The following PIEZO2 variants were observed in gnomAD, a reference collection of about 807,000 sequenced individuals.
The protein encoded by PIEZO2 is piezo-type mechanosensitive ion channel component 2.
In PIEZO2, 172 loss-of-function variants were observed where a neutral mutation model predicts 337.3. That is an observed-to-expected ratio of 0.51 (90% CI 0.45 to 0.58). PIEZO2 has a LOEUF of 0.58. Ranked by LOEUF, PIEZO2 falls within the 20% of genes least tolerant of loss-of-function variation. PIEZO2 has a pLI of 0.00. For synonymous variants in PIEZO2, 1,251 were observed against 1,228.5 expected, an observed-to-expected ratio of 1.02 and a Z score of -0.38; for missense variants, 3,028 against 3,391.3, an observed-to-expected ratio of 0.89 and a Z score of 2.66.
At chr18:11,147,834 T>C (rs937203716) in intron 1 of PIEZO2, among the ~76,000 whole-genome samples, 2 of 152,210 alleles carry the variant, frequency 1.3e-5, no homozygotes. Flanking sequence ...CCCTGGGCCC[T>C]TGCCAGTCCC....
chr18:10,782,213 A>G (rs1305920840), intron 17 of PIEZO2, among the ~76,000 whole-genome samples: 3 of 133,662 alleles, frequency 2.2e-5, no homozygotes, highest in Non-Finnish European at 4.6e-5. Context: ...TCATATAATT[A>G]TATATATCAT....
In PIEZO2 at chr18:11,021,788, T is replaced by C. The variant is rs969884095; in HGVS notation, c.161-42128A>G. Among the ~76,000 whole-genome samples, 2 of 152,204 alleles carry C rather than the reference T, an allele frequency of 1.3e-5. No individual in the cohort carries two copies. The highest frequency in any genetic ancestry group is 2.9e-5 in the Non-Finnish European group (2 of 68,036). On this transcript the variant is annotated intron_variant, in intron 2 of 55. Transcript: ENST00000674853. This position sits in a 1 kb window ranked among gnomAD's most constrained non-coding sequence, Gnocchi z 4.7. Reference sequence around the variant, plus strand: ...TGTGTGTGAGGCATCATCTAGACGCTGGGGGACTGCAGATGCAAACCAGGA... The same window carrying C: ...TGTGTGTGAGGCATCATCTAGACGCCGGGGGACTGCAGATGCAAACCAGGA...
intron 1 of PIEZO2, among the ~76,000 whole-genome samples, chr18:11,074,252 A>G (rs1340904857): frequency 1.3e-5 from 2 of 151,998 alleles, no homozygotes; most frequent in Non-Finnish European, 2.9e-5. Context: ...CTCGCTGCAC[A>G]ATGTCCCCTG....
intron 5 of PIEZO2, among the ~76,000 whole-genome samples, chr18:10,857,794 G>T (rs1205698349): frequency 1.3e-5 from 2 of 152,182 alleles, no homozygotes; most frequent in African/African-American, 4.8e-5. Flanking sequence ...AGCCTCGGCA[G>T]CTCAGCACCT....
intron 1 of PIEZO2, among the ~76,000 whole-genome samples, chr18:11,089,086 A>AGGGG (rs893471283): frequency 6.6e-6 from 1 of 152,170 alleles, no homozygotes; most frequent in African/African-American, 2.4e-5. Context: ...TTTACTAGTC[A>AGGGG]GGGGTCCTTA....
intron 1 of PIEZO2, among the ~76,000 whole-genome samples, chr18:11,135,295 T>G (rs1286000196): frequency 6.6e-6 from 1 of 152,066 alleles, no homozygotes; most frequent in African/African-American, 2.4e-5. Flanking sequence ...CAGGGCTATT[T>G]TAAGGTAGGA....
At chr18:10,808,987 G>A (rs914176326) in intron 7 of PIEZO2, among the ~76,000 whole-genome samples, 2 of 152,136 alleles carry the variant, frequency 1.3e-5, no homozygotes, top group African/African-American at 4.8e-5. Context: ...AATTTTAATT[G>A]TAATTTTCTG....
chr18:10,834,031 T>G lies in PIEZO2; in HGVS notation c.917+21322A>C, dbSNP rs1328951925. Among the ~76,000 whole-genome samples the G allele has an allele frequency of 6.6e-6, 1 of 152,228 alleles. No homozygotes were observed. Among genetic ancestry groups the G allele is most frequent in the Non-Finnish European group, 1.5e-5 (1 of 68,040 alleles). ...TTAAGCTAATTTCTGTTTTTATTTTTTATGGGTAAGTGTATATGGGGCACA... is the reference window on the plus strand; with the variant it reads ...TTAAGCTAATTTCTGTTTTTATTTTGTATGGGTAAGTGTATATGGGGCACA... On this transcript the variant is annotated intron_variant, in intron 7 of 55. Coordinates refer to ENST00000674853, the MANE Select transcript of PIEZO2 (RefSeq NM_001378183.1). This position sits in a 1 kb window ranked among gnomAD's most constrained non-coding sequence, Gnocchi z 4.5.
At chr18:10,754,506 A>C (rs1207521380) in intron 27 of PIEZO2, among the ~76,000 whole-genome samples, 1 of 152,208 alleles carries the variant, frequency 6.6e-6, no homozygotes, top group African/African-American at 2.4e-5. Context: ...GAAATAACTA[A>C]AACAAAAATC....
chr18:10,903,584 G>T lies in PIEZO2; in HGVS notation c.329+7602C>A, dbSNP rs1185748042. ...ACTTGGGAGGCTGAGGCAGGAGAAT[G>T]GCATGAACCCAGGAGGAGGCAGAGC... On this transcript the variant is annotated intron_variant, in intron 4 of 55. Transcript: ENST00000674853. The surrounding 1 kb of genome is among the most constrained non-coding windows in gnomAD (Gnocchi z 4.1). Among the ~76,000 whole-genome samples the T allele has an allele frequency of 6.6e-6, 1 of 151,964 alleles. No homozygotes were observed. The highest frequency in any genetic ancestry group is 1.9e-4 in the East Asian group (1 of 5,168).
At chr18:10,688,365 C>CA (rs2034649144) in intron 49 of PIEZO2, among the ~76,000 whole-genome samples, 1 of 152,186 alleles carries the variant, frequency 6.6e-6, no homozygotes, top group Non-Finnish European at 1.5e-5. Flanking sequence ...CATAGTATTC[C>CA]ATGGTGTGTA....
At chr18:10,991,017 T>C (rs1315092355) in intron 2 of PIEZO2, among the ~76,000 whole-genome samples, 1 of 151,988 alleles carries the variant, frequency 6.6e-6, no homozygotes, top group Non-Finnish European at 1.5e-5. Flanking sequence ...GTAATCTTAG[T>C]TAAGAAGTGT....
At chr18:10,989,862 T>C (rs531036781) in intron 2 of PIEZO2, among the ~76,000 whole-genome samples, 1 of 152,250 alleles carries the variant, frequency 6.6e-6, no homozygotes, top group East Asian at 1.9e-4. Context: ...ATACTGGTAG[T>C]AGAGTGAAAT....
chr18:10,722,082 C>A (rs147858369), intron 36 of PIEZO2, among the ~76,000 whole-genome samples: 1 of 147,548 alleles, frequency 6.8e-6, no homozygotes, highest in Non-Finnish European at 1.5e-5. Flanking sequence ...ACTCGGGAGA[C>A]GGAGGTTGCA....
At position 11,028,596 on chromosome 18, in the gene PIEZO2, C is replaced by G. The variant is rs2036621738; in HGVS notation, c.160+37531G>C. Among the ~76,000 whole-genome samples, 1 of 152,148 alleles carries G rather than the reference C, an allele frequency of 6.6e-6. No homozygotes were observed. The highest frequency in any genetic ancestry group is 2.1e-4 in the South Asian group (1 of 4,822). On this transcript the variant is annotated intron_variant, in intron 2 of 55. Transcript: ENST00000674853. The surrounding 1 kb of genome is among the most constrained non-coding windows in gnomAD (Gnocchi z 4.8). ...CATCTTATATGGTCATTGACACTGT[C>G]CTTCAGCTTTATCTGAACACCCCCA...
chr18:10,866,347 G>A (rs1207256135), intron 5 of PIEZO2, among the ~76,000 whole-genome samples: 6 of 150,184 alleles, frequency 4.0e-5, no homozygotes, highest in Admixed American at 6.6e-5. Flanking sequence ...GTGCAGTGGC[G>A]TGACCTTGGC....
chr18:11,133,984 A>G (rs1266346681), intron 1 of PIEZO2, among the ~76,000 whole-genome samples: 1 of 152,082 alleles, frequency 6.6e-6, no homozygotes, highest in Non-Finnish European at 1.5e-5. Flanking sequence ...AGGGTGCAAG[A>G]GCCAGGGGCT....
Position 10,726,727 on chromosome 18 carries a change from G to A in PIEZO2, c.5029+4680C>T, listed in dbSNP as rs1205952599. On this transcript the variant is annotated intron_variant, in intron 36 of 55. Coordinates refer to ENST00000674853, the MANE Select transcript of PIEZO2 (RefSeq NM_001378183.1). This position sits in a 1 kb window ranked among gnomAD's most constrained non-coding sequence, Gnocchi z 5.9. Reference sequence around the variant, plus strand: ...CCTGAACGGCATCCTGTGCATTCTGGGACATCGCCAGACCATCGATTTCCC... The same window carrying A: ...CCTGAACGGCATCCTGTGCATTCTGAGACATCGCCAGACCATCGATTTCCC... The A allele has an allele frequency of 1.4e-6, 2 of 1,444,032 alleles. No individual in the cohort carries two copies. The highest frequency in any genetic ancestry group is 2.3e-5 in the South Asian group (2 of 86,388). 89.5% of individuals were successfully genotyped at this position (1,444,032 alleles called of 1,614,324 possible).
rs776120353 is a variant in PIEZO2 at position 11,035,821 on chromosome 18, G to A, written c.160+30306C>T. 3.9e-5 allele frequency among the ~76,000 whole-genome samples: 6 copies of A among 152,204 alleles called. No homozygotes were observed. Among genetic ancestry groups the A allele is most frequent in the Admixed American group, 6.5e-5 (1 of 15,290 alleles). On this transcript the variant is annotated intron_variant, in intron 2 of 55. Transcript: ENST00000674853. The surrounding 1 kb of genome is among the most constrained non-coding windows in gnomAD (Gnocchi z 4.3). ...AACTCCTAAAATAATATGAAACTCTGACTCTTAAAGCCCATGGGTGTCTCC... is the reference window on the plus strand; with the variant it reads ...AACTCCTAAAATAATATGAAACTCTAACTCTTAAAGCCCATGGGTGTCTCC...
Sources: allele counts gnomAD v4.1 joint callset (sites outside exome capture counted in the v4.1 genomes callset), GRCh38; gene constraint gnomAD v4.1.1; non-coding constraint Gnocchi (gnomAD v3.1); transcripts MANE v1.5; gene names NCBI Gene and HGNC (gene_info 2026-07-23, HGNC 2026-07-21).